CERS6: variants seen among roughly 807,000 people sequenced by gnomAD.
The protein encoded by CERS6 is ceramide synthase 6.
CERS6 carries 26 observed loss-of-function variants against 56.8 expected under a neutral mutation model. The observed-to-expected ratio is 0.46, with a 90% CI of 0.34 to 0.63. The LOEUF (loss-of-function observed/expected upper bound fraction) is 0.63. CERS6 is among the 30% of genes least tolerant of loss of function. The pLI, the probability that CERS6 is intolerant of heterozygous loss-of-function variation, is 0.01. For missense variants in CERS6, 415 were observed against 467.5 expected (o/e 0.89, Z 1.04); for synonymous variants, 164 against 173.3 (o/e 0.95, Z 0.42).
At chr2:168,512,437 T>A (rs1694805035) in intron 1 of CERS6, among the ~76,000 whole-genome samples, 1 of 152,192 alleles carries the variant, frequency 6.6e-6, no homozygotes, top group Non-Finnish European at 1.5e-5. Context: ...TAAAACCACT[T>A]CATCATCTTT....
intron 1 of CERS6, among the ~76,000 whole-genome samples, chr2:168,467,618 T>A (rs904687138): frequency 6.6e-6 from 1 of 152,216 alleles, no homozygotes; most frequent in Non-Finnish European, 1.5e-5. Context: ...CAGTGCTGTT[T>A]ATCACCTGTG....
At chr2:168,482,525 T>G (rs1437679264) in intron 1 of CERS6, among the ~76,000 whole-genome samples, 1 of 152,266 alleles carries the variant, frequency 6.6e-6, no homozygotes, top group Non-Finnish European at 1.5e-5. Context: ...ATGAGTGGTC[T>G]TGCTTCTGTT....
chr2:168,549,975 A>T (rs1353124583), intron 2 of CERS6, among the ~76,000 whole-genome samples: 2 of 152,082 alleles, frequency 1.3e-5, no homozygotes, highest in African/African-American at 4.8e-5. Context: ...GAAGGGCATG[A>T]TTATAATCCT....
At chr2:168,670,244 G>A (rs986665852) in intron 4 of CERS6, among the ~76,000 whole-genome samples, 1 of 152,158 alleles carries the variant, frequency 6.6e-6, no homozygotes, top group Non-Finnish European at 1.5e-5. Context: ...AAATGAAGGA[G>A]TAGTTAAGGG....
Position 168,770,052 on chromosome 2 carries a change from A to G in CERS6, c.*390A>G, listed in dbSNP as rs1353445070. On this transcript the variant is annotated 3_prime_UTR_variant, in exon 10 of 10. Coordinates refer to ENST00000305747, the MANE Select transcript of CERS6 (RefSeq NM_203463.3). ...TCTTGCTGTAGTCCAATGTGCTATGAGCATCAGCTTACTTTGTCACTTAGA... is the reference window on the plus strand; with the variant it reads ...TCTTGCTGTAGTCCAATGTGCTATGGGCATCAGCTTACTTTGTCACTTAGA... 2 of 218,932 alleles carry G rather than the reference A, an allele frequency of 9.1e-6. No homozygotes were observed. Among genetic ancestry groups the G allele is most frequent in the Non-Finnish European group, 1.8e-5 (2 of 111,846 alleles). The allele number at this position is 218,932 out of a possible 1,614,324, so 13.6% of individuals were successfully genotyped here.
At chr2:168,587,843 A>G (rs1330575084) in intron 3 of CERS6, among the ~76,000 whole-genome samples, 1 of 152,090 alleles carries the variant, frequency 6.6e-6, no homozygotes, top group Non-Finnish European at 1.5e-5. Context: ...AGAACATCAT[A>G]ATGATATAGT....
intron 3 of CERS6, among the ~76,000 whole-genome samples, chr2:168,621,282 G>A (rs1279385557): frequency 1.3e-5 from 2 of 152,172 alleles, no homozygotes; most frequent in Non-Finnish European, 1.5e-5. Context: ...GCCAGTGCAT[G>A]TTCCGAAGTC....
At chr2:168,663,764 T>C (rs531593203) in intron 4 of CERS6, among the ~76,000 whole-genome samples, 27 of 124,162 alleles carry the variant, frequency 2.2e-4, no homozygotes, top group Admixed American at 4.7e-4. Context: ...ATATGTAATA[T>C]ATACTTTAAA....
chr2:168,456,535 G>A lies in CERS6; in HGVS notation c.87G>A (p.Glu29=), dbSNP rs772146898. ...GGGCGGACCTGAAGAACACGGAGGAGGCCACCTTCCCGCAGGCTGAGGACC... is the reference window on the plus strand; with the variant it reads ...GGGCGGACCTGAAGAACACGGAGGAAGCCACCTTCCCGCAGGCTGAGGACC... The part of the protein sequence containing the change: ...VTWADLKNTE[E]ATFPQAEDLY... Residue 29 remains glutamate (E), a synonymous_variant, in exon 1 of 10, where the codon GAG becomes GAA. Transcript: ENST00000305747. The surrounding 1 kb of genome is among the most constrained non-coding windows in gnomAD (Gnocchi z 4.1). 1 of 1,614,088 alleles carries A rather than the reference G, an allele frequency of 6.2e-7. No homozygotes were observed. Among genetic ancestry groups the A allele is most frequent in the South Asian group, 1.1e-5 (1 of 91,088 alleles).
At chr2:168,585,192 T>A (rs928609379) in intron 3 of CERS6, among the ~76,000 whole-genome samples, 1 of 152,236 alleles carries the variant, frequency 6.6e-6, no homozygotes, top group African/African-American at 2.4e-5. Context: ...AGATTCATGC[T>A]TACAGGCTGC....
At chr2:168,486,757 T>G (rs1694283920) in intron 1 of CERS6, among the ~76,000 whole-genome samples, 2 of 152,248 alleles carry the variant, frequency 1.3e-5, no homozygotes, top group African/African-American at 4.8e-5. Flanking sequence ...GGTCAGTGCT[T>G]ATACCCATGA....
chr2:168,743,077 C>T (rs1683967084), intron 8 of CERS6, among the ~76,000 whole-genome samples: 1 of 152,038 alleles, frequency 6.6e-6, no homozygotes, highest in Non-Finnish European at 1.5e-5. Context: ...CAGAGCCTCA[C>T]ACTACTTGGG....
At chr2:168,689,694 T>C (rs961957983) in intron 4 of CERS6, among the ~76,000 whole-genome samples, 6 of 152,166 alleles carry the variant, frequency 3.9e-5, no homozygotes, top group African/African-American at 7.2e-5. Context: ...AATTACATGA[T>C]ACAGACAGTG....
intron 1 of CERS6, among the ~76,000 whole-genome samples, chr2:168,476,244 G>T (rs1452074222): frequency 6.7e-6 from 1 of 149,000 alleles, no homozygotes; most frequent in Non-Finnish European, 1.5e-5. Flanking sequence ...TTATCACCTT[G>T]CTCTGTGTAA....
intron 3 of CERS6, among the ~76,000 whole-genome samples, chr2:168,576,509 T>C (rs1307803319): frequency 3.9e-5 from 6 of 152,210 alleles, no homozygotes; most frequent in Admixed American, 3.3e-4. Flanking sequence ...ATTTCTTTTA[T>C]ATTTCTATTT....
chr2:168,575,823 C>G (rs761765971), intron 3 of CERS6, among the ~76,000 whole-genome samples: 14 of 152,134 alleles, frequency 9.2e-5, no homozygotes, highest in Non-Finnish European at 2.1e-4. Flanking sequence ...GGCCTTTGCT[C>G]AAGTTCTGCC....
Position 168,582,660 on chromosome 2 carries a change from T to G in CERS6, c.407+21338T>G, listed in dbSNP as rs544548651. Among the ~76,000 whole-genome samples, 4 of 152,316 alleles carry G rather than the reference T, an allele frequency of 2.6e-5. No individual in the cohort carries two copies. The South Asian group carries it at 8.3e-4, about 32-fold the overall frequency. On this transcript the variant is annotated intron_variant, in intron 3 of 9. Transcript: ENST00000305747. Reference sequence around the variant, plus strand: ...AAACTAGAATTTTCATACACCTTTATTTTACGTGATGCATTATTTTAATAT... The same window carrying G: ...AAACTAGAATTTTCATACACCTTTAGTTTACGTGATGCATTATTTTAATAT...
chr2:168,467,978 A>G (rs1693910756), intron 1 of CERS6, among the ~76,000 whole-genome samples: 1 of 152,122 alleles, frequency 6.6e-6, no homozygotes, highest in South Asian at 2.1e-4. Context: ...TTGAAGAGTA[A>G]ATATTTAGAG....
chr2:168,479,744 G>A (rs192686364), intron 1 of CERS6, among the ~76,000 whole-genome samples: 195 of 152,218 alleles, frequency 1.3e-3, no homozygotes, highest in Non-Finnish European at 2.4e-3. Flanking sequence ...GAGTAGCTGG[G>A]ATTACAGGCA....
Sources: allele counts gnomAD v4.1 joint callset (sites outside exome capture counted in the v4.1 genomes callset), GRCh38; gene constraint gnomAD v4.1.1; non-coding constraint Gnocchi (gnomAD v3.1); transcripts MANE v1.5; gene names NCBI Gene and HGNC (gene_info 2026-07-23, HGNC 2026-07-21).